PTOV1: variants seen among roughly 807,000 people sequenced by gnomAD.
The protein encoded by PTOV1 is PTOV1 extended AT-hook containing adaptor protein.
Under a neutral mutation model 58.0 loss-of-function variants are expected in PTOV1, and 20 were observed. The observed-to-expected ratio is 0.34, with a 90% confidence interval of 0.24 to 0.50. PTOV1 has a LOEUF of 0.50. Ranked by LOEUF, PTOV1 falls within the 20% of genes least tolerant of loss-of-function variation. The pLI is 0.98. For missense variants in PTOV1, 593 were observed against 565.4 expected (o/e 1.05, Z -0.50); for synonymous variants, 335 against 234.2 (o/e 1.43, Z -3.93).
chr19:49,852,204 C>T (rs1037800568), intron 1 of PTOV1: 25 of 521,812 alleles, frequency 4.8e-5, no homozygotes, highest in Non-Finnish European at 5.9e-5. Context: ...GTGAGATTTC[C>T]CCTGGGTTCG....
intron 9 of PTOV1, 84 bp downstream of exon 9, chr19:49,858,198 G>C: frequency 6.6e-7 from 1 of 1,510,048 alleles, no homozygotes; most frequent in Non-Finnish European, 8.9e-7. Flanking sequence ...GCCTCCCCAG[G>C]TGGCCTGAGC....
intron 1 of PTOV1, 198 bp downstream of exon 1, chr19:49,851,697 G>T: frequency 8.6e-7 from 1 of 1,157,334 alleles, no homozygotes; most frequent in African/African-American, 1.6e-5. Context: ...TGCGCGTTCG[G>T]GCCGGGGTGG....
At chr19:49,851,794 C>T (rs2074261604) in intron 1 of PTOV1, 3 of 1,039,538 alleles carry the variant, frequency 2.9e-6, no homozygotes, top group Non-Finnish European at 3.5e-6. Flanking sequence ...GGCAGACAGG[C>T]AGCCGGCACG....
chr19:49,860,301 C>G, exon 12 of PTOV1: 2 of 1,612,256 alleles, frequency 1.2e-6, no homozygotes, highest in South Asian at 1.1e-5. Context: ...GGCTGGGCCC[C>G]TCCAGGAGTC....
In PTOV1 at chr19:49,857,606, C is replaced by G. The variant is rs568101863; in HGVS notation, c.715-87C>G. ...CAGCTGGGGCTAACAGGCCAAGGCT[C>G]GGAGGGAGGGATGGCAGGCCCCAGG... On this transcript the variant is annotated intron_variant, in intron 6 of 11. Coordinates refer to ENST00000391842, the Ensembl canonical transcript of PTOV1. The G allele has an allele frequency of 4.1e-5, 53 of 1,280,494 alleles. 1 individual carries two copies. Among genetic ancestry groups the G allele is most frequent in the Admixed American group, 1.4e-4 (7 of 51,488 alleles). The allele number at this position is 1,280,494 out of a possible 1,614,324, so 79.3% of individuals were successfully genotyped here. A position where few individuals can be genotyped will look rare whatever the true frequency, so the allele number is the denominator to read the frequency against.
chr19:49,857,940 C>T (rs1403247947), exon 8 of PTOV1: 3 of 1,613,718 alleles, frequency 1.9e-6, no homozygotes, highest in East Asian at 2.2e-5. Context: ...CAAGAGGTGG[C>T]TGCCATCCCA....
intron 1 of PTOV1, among the ~76,000 whole-genome samples, 180 bp from the exon 2 acceptor site, chr19:49,854,226 C>G (rs930130259): frequency 1.3e-5 from 2 of 152,246 alleles, no homozygotes; most frequent in South Asian, 4.1e-4. Context: ...CGGGAAAGGA[C>G]ATGAGGACCA....
chr19:49,851,480 C>G, exon 1 of PTOV1: 1 of 1,220,892 alleles, frequency 8.2e-7, no homozygotes, highest in African/African-American at 1.6e-5. Context: ...CGGATCCGGG[C>G]CCGCTCGGCC....
chr19:49,850,824 C>G, upstream of PTOV1: 8 of 1,531,602 alleles, frequency 5.2e-6, no homozygotes, highest in Non-Finnish European at 7.0e-6. Flanking sequence ...TCCGTCCTCC[C>G]CTCTTCCCTG....
chr19:49,856,967 C>T lies in PTOV1; in HGVS notation c.559-8C>T, dbSNP rs764054519. On this transcript the variant is annotated splice_region_variant and splice_polypyrimidine_tract_variant and intron_variant, in intron 5 of 11. Transcript: ENST00000391842. ...TGACCACAGGGTCCTGACCCGCGGC[C>T]CCCGCAGGCGGGCTGCATGCTGTTC... The T allele has an allele frequency of 3.7e-6, 6 of 1,612,328 alleles. No individual in the cohort carries two copies. Among genetic ancestry groups the T allele is most frequent in the Non-Finnish European group, 4.2e-6 (5 of 1,179,858 alleles).
chr19:49,857,156 T>TG (rs1568645928), intron 6 of PTOV1, 26 bp downstream of exon 6: 1 of 1,613,506 alleles, frequency 6.2e-7, no homozygotes, highest in South Asian at 1.1e-5. Context: ...ACAGCCCCTC[T>TG]GGGGACAGAG....
In PTOV1 at chr19:49,857,898, C is replaced by G; in HGVS notation, c.805-6C>G. 6.2e-7 allele frequency: 1 copy of G among 1,613,412 alleles called. No homozygotes were observed. Among genetic ancestry groups the G allele is most frequent in the African/African-American group, 1.3e-5 (1 of 75,048 alleles). On this transcript the variant is annotated splice_region_variant and splice_polypyrimidine_tract_variant and intron_variant, in intron 7 of 11. Coordinates refer to ENST00000391842, the Ensembl canonical transcript of PTOV1. Reference sequence around the variant, plus strand: ...TGAGGGCTCCTCTTTGCCTCTCCCCCAAAAGCCCAGGCCTGAGCCCAACAG... The same window carrying G: ...TGAGGGCTCCTCTTTGCCTCTCCCCGAAAAGCCCAGGCCTGAGCCCAACAG...
intron 10 of PTOV1, 101 bp from the exon 11 acceptor site, chr19:49,859,885 A>G: frequency 7.8e-7 from 1 of 1,282,630 alleles, no homozygotes; most frequent in South Asian, 1.3e-5. Context: ...CAGAGCAGTT[A>G]GGCTGTGCCT....
Position 49,860,390 on chromosome 19 carries a change from T to C in PTOV1, c.*111T>C, listed in dbSNP as rs372934555. ...GGGACCCTGGGGCATGTGGGGGGGGTGGGGTTGGGAAAGAAGCAGGGCGAC... is the reference window on the plus strand; with the variant it reads ...GGGACCCTGGGGCATGTGGGGGGGGCGGGGTTGGGAAAGAAGCAGGGCGAC... On this transcript the variant is annotated 3_prime_UTR_variant, in exon 12 of 12. Transcript: ENST00000391842. 37 of 341,720 alleles carry C rather than the reference T, an allele frequency of 1.1e-4. 1 individual carries two copies. The highest frequency in any genetic ancestry group is 8.7e-4 in the African/African-American group (28 of 32,002). 21.2% of individuals were successfully genotyped at this position (341,720 alleles called of 1,614,324 possible). A position where few individuals can be genotyped will look rare whatever the true frequency, so the allele number is the denominator to read the frequency against.
intron 5 of PTOV1, chr19:49,856,173 G>C (rs2074455168): frequency 1.3e-5 from 2 of 152,266 alleles, no homozygotes; most frequent in African/African-American, 4.8e-5. Flanking sequence ...AGCACCGTTT[G>C]TTGAGGGCCT....
chr19:49,852,008 G>A, intron 1 of PTOV1: 3 of 985,508 alleles, frequency 3.0e-6, no homozygotes, highest in Non-Finnish European at 3.6e-6. Context: ...GCCCACATGT[G>A]GGATGCTTTG....
chr19:49,853,139 A>C (rs2122180866), intron 1 of PTOV1: 1 of 152,224 alleles, frequency 6.6e-6, no homozygotes, highest in African/African-American at 2.4e-5. Flanking sequence ...TCACAAAATA[A>C]AATTTTTTGT....
At chr19:49,858,456 G>A (rs1288943670) in intron 9 of PTOV1, 93 bp from the exon 10 acceptor site, 2 of 1,009,664 alleles carry the variant, frequency 2.0e-6, no homozygotes, top group East Asian at 5.3e-5. Flanking sequence ...GGGAGTCTCA[G>A]TTTGGTCCTG....
chr19:49,854,897 C>A lies in PTOV1; in HGVS notation c.450+9C>A. On this transcript the variant is annotated intron_variant, in intron 4 of 11. Coordinates refer to ENST00000391842, the Ensembl canonical transcript of PTOV1. ...TCCCTCAGCAGCTGCTGGTGAGACCCGCCCCTCCCACCCCATCCACTCTGA... is the reference window on the plus strand; with the variant it reads ...TCCCTCAGCAGCTGCTGGTGAGACCAGCCCCTCCCACCCCATCCACTCTGA... The A allele has an allele frequency of 6.3e-7, 1 of 1,596,702 alleles. No homozygotes were observed. Among genetic ancestry groups the A allele is most frequent in the South Asian group, 1.1e-5 (1 of 90,314 alleles).
Sources: allele counts gnomAD v4.1 joint callset (sites outside exome capture counted in the v4.1 genomes callset), GRCh38; gene constraint gnomAD v4.1.1; transcripts MANE v1.5; gene names NCBI Gene and HGNC (gene_info 2026-07-23, HGNC 2026-07-21).